The following ST6GALNAC4 variants were observed in gnomAD, a reference collection of about 807,000 sequenced individuals.
The protein encoded by ST6GALNAC4 is alpha-N-acetyl-neuraminyl-2,3-beta-galactosyl-1,3-N-acetyl-galactosaminide alpha-2,6-sialyltransferase.
In ST6GALNAC4, 24 loss-of-function variants were observed where a neutral mutation model predicts 30.4. The ratio of observed to expected loss-of-function variants is 0.79; its 90% CI spans 0.57 to 1.11. The LOEUF (loss-of-function observed/expected upper bound fraction) is 1.11. Among genes scored for constraint, ST6GALNAC4 ranks in the 50% most tolerant of loss-of-function variants. ST6GALNAC4 has a pLI of 0.00. For synonymous variants in ST6GALNAC4, 156 were observed against 179.7 expected (o/e 0.87, Z 1.05); for missense variants, 365 against 430.1 (o/e 0.85, Z 1.34).
At chr9:127,916,384 G>A in intron 2 of ST6GALNAC4, 24 bp downstream of exon 2, 3 of 1,614,116 alleles carry the variant, frequency 1.9e-6, no homozygotes, top group South Asian at 2.2e-5. Flanking sequence ...GCGTTCCCTG[G>A]AAGTCCTCCT....
At chr9:127,916,153 C>A in intron 2 of ST6GALNAC4, 2 of 582,502 alleles carry the variant, frequency 3.4e-6, no homozygotes, top group Non-Finnish European at 6.1e-6. Flanking sequence ...TCCACGTAGG[C>A]TTTGCCTGGT....
intron 4 of ST6GALNAC4, among the ~76,000 whole-genome samples, chr9:127,911,323 G>A (rs2131619966): frequency 6.6e-6 from 1 of 151,846 alleles, no homozygotes; most frequent in East Asian, 1.9e-4. Context: ...ACCAGAGGCT[G>A]ACTGTTCTAT....
In ST6GALNAC4 at chr9:127,908,503, G is replaced by A. The variant is rs13510; in HGVS notation, c.798C>T (p.His266=). 1.6e-3 allele frequency: 2,530 copies of A among 1,610,120 alleles called. 37 individuals carry two copies. The African/African-American group carries it at 0.028, about 18-fold the overall frequency. Residue 266 remains histidine (H), a synonymous_variant, in exon 6 of 6, where the codon CAC becomes CAT. Transcript: ENST00000335791. ...GGTGGGCGCTTCGGGGCGCCTGCTCGTGTGCCAGGTACATCTGACACTCAT... is the reference window on the plus strand; with the variant it reads ...GGTGGGCGCTTCGGGGCGCCTGCTCATGTGCCAGGTACATCTGACACTCAT... ...RLDECQMYLA[H]EQAPRSAHRF...
intron 2 of ST6GALNAC4, 197 bp downstream of exon 2, chr9:127,916,211 A>G: frequency 2.9e-6 from 2 of 678,088 alleles, no homozygotes; most frequent in Middle Eastern, 7.5e-4. Context: ...AGGTACTGAC[A>G]CTGCAGAGTG....
In ST6GALNAC4 at chr9:127,912,303, G is replaced by C; in HGVS notation, c.576C>G (p.Cys192Trp). 6.2e-7 allele frequency: 1 copy of C among 1,612,868 alleles called. No individual in the cohort carries two copies. ...CCGTCTCGTCCTGGAAGATCTGGTC[G>C]CAGTAGGCCATCATGCGCTCCGTGA... Reference protein sequence around the residue: ...YTFTERMMAYCDQIFQDETGK... With the variant: ...YTFTERMMAYWDQIFQDETGK... The change falls in exon 4 of 6, where the codon TGC becomes TGG. Residue 192 changes from cysteine to tryptophan, a missense_variant. By Grantham distance (215) the Cys-to-Trp change is radical. Coordinates refer to ENST00000335791, the MANE Select transcript of ST6GALNAC4 (RefSeq NM_175039.4).
intron 2 of ST6GALNAC4, among the ~76,000 whole-genome samples, chr9:127,915,429 G>A (rs1831175464): frequency 6.6e-6 from 1 of 152,166 alleles, no homozygotes; most frequent in Admixed American, 6.5e-5. Flanking sequence ...CTCAGTGGCT[G>A]TCCCCTGGTG....
chr9:127,915,444 G>C (rs554865148), intron 2 of ST6GALNAC4, among the ~76,000 whole-genome samples: 3 of 152,168 alleles, frequency 2.0e-5, no homozygotes, highest in Non-Finnish European at 4.4e-5. Flanking sequence ...CTGGTGATCC[G>C]GATCTGGGTC....
In ST6GALNAC4 at chr9:127,912,479, G is replaced by C. The variant is rs760811908; in HGVS notation, c.400C>G (p.Arg134Gly). The change falls in exon 4 of 6, where the codon CGC (arginine) becomes GGC (glycine). Residue 134 changes from arginine to glycine, a missense_variant. Arg to Gly is a moderately radical substitution (Grantham distance 125, BLOSUM62 -2). Coordinates refer to ENST00000335791, the MANE Select transcript of ST6GALNAC4 (RefSeq NM_175039.4). ...VSHTSVPLLL[R>G]NYSHYFQKAR... ...TTCTGGAAGTAGTGTGAATAGTTGC[G>C]CAGCAGCAGCGGCACGCTTGTGTGT... 1 of 1,613,704 alleles carries C rather than the reference G, an allele frequency of 6.2e-7. No homozygotes were observed. Among genetic ancestry groups the C allele is most frequent in the Admixed American group, 1.7e-5 (1 of 59,994 alleles).
At chr9:127,909,550 GATATATAT>G (rs138520698) in intron 5 of ST6GALNAC4, among the ~76,000 whole-genome samples, 2 of 145,674 alleles carry the variant, frequency 1.4e-5, no homozygotes, top group African/African-American at 5.0e-5. Context: ...ACATATCACT[GATATATAT>G]ATATATATAT....
Position 127,912,582 on chromosome 9 carries a change from G to A in ST6GALNAC4, c.297C>T (p.Cys99=), listed in dbSNP as rs377254851. The A allele has an allele frequency of 1.6e-5, 25 of 1,611,394 alleles. No individual in the cohort carries two copies. Among genetic ancestry groups the A allele is most frequent in the Admixed American group, 6.7e-5 (4 of 60,008 alleles). The change falls in exon 4 of 6, where the codon TGC becomes TGT. Residue 99 remains cysteine (C), a synonymous_variant. Coordinates refer to ENST00000335791, the MANE Select transcript of ST6GALNAC4 (RefSeq NM_175039.4). Reference sequence around the variant, plus strand: ...TGGGCGCCTGGTTCATGCGGAACACGCACTCGGCACTGTCGATCTCAGCAC... The same window carrying A: ...TGGGCGCCTGGTTCATGCGGAACACACACTCGGCACTGTCGATCTCAGCAC... ...GLGAEIDSAE[C]VFRMNQAPTV...
intron 3 of ST6GALNAC4, 96 bp downstream of exon 3, chr9:127,914,560 A>ACATGGCTG (rs910444381): frequency 2.0e-6 from 2 of 1,010,394 alleles, no homozygotes; most frequent in African/African-American, 1.7e-5. Context: ...GGCCAGGATC[A>ACATGGCTG]CATGGCTGGT....
At chr9:127,915,962 T>C (rs1457541793) in intron 2 of ST6GALNAC4, 1 of 184,746 alleles carries the variant, frequency 5.4e-6, no homozygotes, top group Non-Finnish European at 1.1e-5. Flanking sequence ...GTCTTTTCTG[T>C]GTGGCCAGCT....
intron 3 of ST6GALNAC4, 134 bp from the exon 4 acceptor site, chr9:127,912,814 G>T (rs886413335): frequency 4.6e-6 from 5 of 1,076,370 alleles, no homozygotes; most frequent in Non-Finnish European, 6.5e-6. Flanking sequence ...AACCCATTTT[G>T]CAGGCTGGGC....
In ST6GALNAC4 at chr9:127,917,027, G is replaced by T. The variant is rs931186462; in HGVS notation, c.-277C>A. The T allele has an allele frequency of 6.5e-6, 1 of 152,958 alleles. No homozygotes were observed. The highest frequency in any genetic ancestry group is 6.6e-5 in the Admixed American group (1 of 15,254). 9.5% of individuals were successfully genotyped at this position (152,958 alleles called of 1,614,324 possible). A position where few individuals can be genotyped will look rare whatever the true frequency, so the allele number is the denominator to read the frequency against. Reference sequence around the variant, plus strand: ...GACTGGGCTGGAAGCTGATCCGCGCGGCCAGAGGCAGGGGGCGGGGCCGGG... The same window carrying T: ...GACTGGGCTGGAAGCTGATCCGCGCTGCCAGAGGCAGGGGGCGGGGCCGGG... On this transcript the variant is annotated 5_prime_UTR_variant, in exon 1 of 6. Coordinates refer to ENST00000335791, the MANE Select transcript of ST6GALNAC4 (RefSeq NM_175039.4).
At position 127,908,550 on chromosome 9, in the gene ST6GALNAC4, A is replaced by G; in HGVS notation, c.751T>C (p.Tyr251His). 6.3e-7 allele frequency: 1 copy of G among 1,590,940 alleles called. No individual in the cohort carries two copies. The highest frequency in any genetic ancestry group is 8.6e-7 in the Non-Finnish European group (1 of 1,163,438). Residue 251 changes from tyrosine (Y) to histidine (H), a missense_variant, in exon 6 of 6, where the codon TAC becomes CAC. Transcript: ENST00000335791. ...EKSHPSVPYH[Y>H]FEKGRLDECQ... Reference sequence around the variant, plus strand: ...TCATCTAGCCGGCCCTTCTCAAAGTAGTGGTAAGGCACTGAGGGGTGGCTC... The same window carrying G: ...TCATCTAGCCGGCCCTTCTCAAAGTGGTGGTAAGGCACTGAGGGGTGGCTC...
chr9:127,910,606 C>T (rs769079391), intron 4 of ST6GALNAC4: 110 of 990,382 alleles, frequency 1.1e-4, no homozygotes, highest in Non-Finnish European at 1.2e-4. Flanking sequence ...TGCCCCCATG[C>T]CCCACTCAGA....
chr9:127,907,911 C>T lies in ST6GALNAC4; in HGVS notation c.*481G>A, dbSNP rs574747181. ...TCCAGAAAACACACGTTTACCCGTA[C>T]GTTCCTGATACGGCCCCGGCAGTCA... On this transcript the variant is annotated 3_prime_UTR_variant, in exon 6 of 6. Coordinates refer to ENST00000335791, the MANE Select transcript of ST6GALNAC4 (RefSeq NM_175039.4). 108 of 152,542 alleles carry T rather than the reference C, an allele frequency of 7.1e-4. No homozygotes were observed. Among genetic ancestry groups the T allele is most frequent in the Non-Finnish European group, 1.4e-3 (97 of 68,292 alleles). 9.4% of individuals were successfully genotyped at this position (152,542 alleles called of 1,614,324 possible).
chr9:127,910,226 G>A (rs1831046689), intron 4 of ST6GALNAC4, 168 bp from the exon 5 acceptor site: 11 of 1,416,658 alleles, frequency 7.8e-6, no homozygotes, highest in Middle Eastern at 2.6e-4. Flanking sequence ...AAGGCCAGCA[G>A]TGGGTGACAG....
At chr9:127,912,152 C>T in intron 4 of ST6GALNAC4, 116 bp downstream of exon 4, 1 of 1,332,148 alleles carries the variant, frequency 7.5e-7, no homozygotes, top group Non-Finnish European at 1.0e-6. Context: ...CCATGTCTGC[C>T]TCCATGAGTG....
Sources: allele counts gnomAD v4.1 joint callset (sites outside exome capture counted in the v4.1 genomes callset), GRCh38; gene constraint gnomAD v4.1.1; transcripts MANE v1.5; gene names NCBI Gene and HGNC (gene_info 2026-07-23, HGNC 2026-07-21).